PLXNB2: variants seen among roughly 807,000 people sequenced by gnomAD.
PLXNB2 encodes plexin-B2.
A neutral mutation model predicts 202.6 loss-of-function variants in PLXNB2; 85 were observed. That is an observed-to-expected ratio of 0.42 (90% CI 0.35 to 0.50). The LOEUF (loss-of-function observed/expected upper bound fraction) is 0.50, where lower values mean the gene tolerates loss of function less well. Ranked by LOEUF, PLXNB2 falls within the 20% of genes least tolerant of loss-of-function variation. PLXNB2 has a pLI of 0.02. For missense variants in PLXNB2, 2,063 were observed against 2,586.2 expected (o/e 0.80, Z 4.39); for synonymous variants, 1,239 against 1,137.6 (o/e 1.09, Z -1.79).
Position 50,281,980 on chromosome 22 carries a change from G to A in PLXNB2, c.3219C>T (p.Ile1073=), listed in dbSNP as rs371203017. Residue 1073 remains isoleucine (I), a synonymous_variant, in exon 20 of 37, where the codon ATC becomes ATT. Coordinates refer to ENST00000359337, the MANE Select transcript of PLXNB2 (RefSeq NM_012401.4). ...GCAGGGCACGGTGCCCGTCCATCTCGATCAGCACCGTGAGGTTGTAGGCCT... is the reference window on the plus strand; with the variant it reads ...GCAGGGCACGGTGCCCGTCCATCTCAATCAGCACCGTGAGGTTGTAGGCCT... ...EPEAYNLTVL[I]EMDGHRALLR... 19 of 1,612,928 alleles carry A rather than the reference G, an allele frequency of 1.2e-5. No individual in the cohort carries two copies. The highest frequency in any genetic ancestry group is 1.6e-4 in the Middle Eastern group (1 of 6,084).
Position 50,275,145 on chromosome 22 carries a change from C to T in PLXNB2, c.*559G>A, listed in dbSNP as rs956911853. 13 of 296,934 alleles carry T rather than the reference C, an allele frequency of 4.4e-5. No homozygotes were observed. Among genetic ancestry groups the T allele is most frequent in the Non-Finnish European group, 8.0e-5 (12 of 150,546 alleles). 18.4% of individuals were successfully genotyped at this position (296,934 alleles called of 1,614,324 possible). ...GTCTGGGCCCCGACGTAGGACTTGA[C>T]CTACGTCTCACTTGACCTTTGACGT... On this transcript the variant is annotated 3_prime_UTR_variant, in exon 37 of 37. Transcript: ENST00000359337.
rs755812987 is a variant in PLXNB2, at chr22:50,289,736, G to A, written c.849C>T (p.Ser283=). The A allele has an allele frequency of 1.7e-5, 28 of 1,612,230 alleles. No homozygotes were observed. The highest frequency in any genetic ancestry group is 3.3e-5 in the Admixed American group (2 of 59,994). Residue 283 remains serine (S), a synonymous_variant, in exon 3 of 37, where the codon TCC becomes TCT. Transcript: ENST00000359337. The surrounding 1 kb of genome is among the most constrained non-coding windows in gnomAD (Gnocchi z 8.0). The part of the protein sequence containing the change: ...AAAFGTCLAA[S]VAAPGSGRVL... The stretch of plus-strand genomic sequence containing the variant: ...CCCTGCCAGAGCCAGGCGCAGCCAC[G>A]GAGGCGGCCAGGCAGGTGCCAAAGG...
In PLXNB2 at chr22:50,284,680, G is replaced by T. The variant is rs757672636; in HGVS notation, c.2089-15C>A. On this transcript the variant is annotated splice_polypyrimidine_tract_variant and intron_variant, in intron 11 of 36. Transcript: ENST00000359337. This position sits in a 1 kb window ranked among gnomAD's most constrained non-coding sequence, Gnocchi z 8.0. ...AGGGAGGAACCCTGCAGACCATGCC[G>T]TCAGGACCCTGGACAGGCGGCTGTG... is the stretch of plus-strand genomic sequence containing the variant. The T allele has an allele frequency of 1.9e-6, 3 of 1,603,262 alleles. No homozygotes were observed.
chr22:50,292,337 CAAAAAAA>C (rs533891085), intron 2 of PLXNB2, among the ~76,000 whole-genome samples: 2 of 71,024 alleles, frequency 2.8e-5, no homozygotes, highest in African/African-American at 1.1e-4. Flanking sequence ...GACTCTGTCT[CAAAAAAA>C]AAAAAAAAAA....
chr22:50,287,994 C>A lies in PLXNB2; in HGVS notation c.1424G>T (p.Cys475Phe). The change falls in exon 6 of 37, where the codon TGC becomes TTC. Residue 475 changes from cysteine to phenylalanine, a missense_variant. Cys to Phe is a radical substitution (Grantham distance 205, BLOSUM62 -2). Coordinates refer to ENST00000359337, the MANE Select transcript of PLXNB2 (RefSeq NM_012401.4). ...GTCCTGGGAGTCGCGGCACTGGGTG[C>A]AGGTCGGGTAGCTCAGGCACTCCTG... ...PVQECLSYPTCTQCRDSQDPY... is the reference protein window; with the variant it reads ...PVQECLSYPTFTQCRDSQDPY... 1 of 1,575,560 alleles carries A rather than the reference C, an allele frequency of 6.3e-7. No homozygotes were observed. The highest frequency in any genetic ancestry group is 8.6e-7 in the Non-Finnish European group (1 of 1,161,220).
chr22:50,283,262 C>T lies in PLXNB2; in HGVS notation c.2679+75G>A, dbSNP rs374162230. On this transcript the variant is annotated intron_variant, in intron 16 of 36. Coordinates refer to ENST00000359337, the MANE Select transcript of PLXNB2 (RefSeq NM_012401.4). ...CGGTCCTGGGCTGGATGGTAACTGT[C>T]GTGGGGAGGCGGCGGGCAGAGCCCC... The T allele has an allele frequency of 6.4e-4, 1,034 of 1,606,438 alleles. 15 individuals carry two copies. The East Asian group carries it at 0.016, about 24-fold the overall frequency.
chr22:50,300,191 C>T, intron 1 of PLXNB2: 1 of 838,714 alleles, frequency 1.2e-6, no homozygotes, highest in Non-Finnish European at 1.4e-6. Flanking sequence ...GACGCGCGGG[C>T]GGGTGGGAGT....
chr22:50,293,660 C>T (rs1037381334), intron 2 of PLXNB2, among the ~76,000 whole-genome samples: 6 of 152,176 alleles, frequency 3.9e-5, no homozygotes, highest in Non-Finnish European at 7.4e-5. Context: ...ACGGTCCCCT[C>T]GGATCTGGCC....
intron 1 of PLXNB2, among the ~76,000 whole-genome samples, chr22:50,307,010 C>G (rs1268411807): frequency 6.6e-6 from 1 of 152,110 alleles, no homozygotes. Context: ...CTGAGACTTT[C>G]TGTGTCTCGG....
intron 1 of PLXNB2, among the ~76,000 whole-genome samples, chr22:50,306,156 T>C (rs2067875183): frequency 6.6e-6 from 1 of 152,118 alleles, no homozygotes; most frequent in South Asian, 2.1e-4. Flanking sequence ...GGACTCACAT[T>C]CCAAACCCTT....
Position 50,289,494 on chromosome 22 carries a change from C to T in PLXNB2, c.1068+23G>A, listed in dbSNP as rs756832452. ...ACGGACGCCTGCAGTCCGGGCCCTG[C>T]GAGAACACACTGAGGCCCATACCGG... On this transcript the variant is annotated intron_variant, in intron 3 of 36. Transcript: ENST00000359337. This position sits in a 1 kb window ranked among gnomAD's most constrained non-coding sequence, Gnocchi z 8.0. 8.8e-5 allele frequency: 140 copies of T among 1,582,128 alleles called. 1 individual carries two copies. Among genetic ancestry groups the T allele is most frequent in the Middle Eastern group, 3.4e-4 (2 of 5,834 alleles).
intron 1 of PLXNB2, among the ~76,000 whole-genome samples, chr22:50,302,340 A>G (rs998443681): frequency 3.9e-5 from 6 of 152,320 alleles, no homozygotes; most frequent in East Asian, 1.9e-4. Flanking sequence ...GAGTGGGGGC[A>G]GGACAGTGAG....
At chr22:50,292,412 T>A (rs2066940859) in intron 2 of PLXNB2, among the ~76,000 whole-genome samples, 1 of 151,080 alleles carries the variant, frequency 6.6e-6, no homozygotes, top group South Asian at 2.1e-4. Context: ...TCCACATCCC[T>A]GTGTCTCTGA....
rs2066273380 is a variant in PLXNB2, at chr22:50,284,496, C to T, written c.2181+77G>A. 10 of 1,112,776 alleles carry T rather than the reference C, an allele frequency of 9.0e-6. No individual in the cohort carries two copies. In the Admixed American group the frequency reaches 1.8e-4, roughly 20 times the overall value. 68.9% of individuals were successfully genotyped at this position (1,112,776 alleles called of 1,614,324 possible). A position where few individuals can be genotyped will look rare whatever the true frequency, so the allele number is the denominator to read the frequency against. ...GGTCTCCCTGCTGCCCCTCCCCTCACAGTCCTGAAGGTGACCCCCCACCCC... is the reference window on the plus strand; with the variant it reads ...GGTCTCCCTGCTGCCCCTCCCCTCATAGTCCTGAAGGTGACCCCCCACCCC... On this transcript the variant is annotated intron_variant, in intron 12 of 36. Transcript: ENST00000359337. The surrounding 1 kb of genome is among the most constrained non-coding windows in gnomAD (Gnocchi z 8.0).
chr22:50,289,643 G>A lies in PLXNB2; in HGVS notation c.942C>T (p.Phe314=), dbSNP rs1475309079. 3 of 1,609,590 alleles carry A rather than the reference G, an allele frequency of 1.9e-6. No homozygotes were observed. The highest frequency in any genetic ancestry group is 2.5e-6 in the Non-Finnish European group (3 of 1,179,804). ...SGGPGAGLCL[F]PLDKVHAKME... is the part of the protein sequence containing the mutation. ...TCTTGGCGTGCACCTTGTCCAGCGG[G>A]AACAGGCAGAGGCCCGCACCGGGCC... Residue 314 remains phenylalanine (F), a synonymous_variant, in exon 3 of 37, where the codon TTC becomes TTT. Coordinates refer to ENST00000359337, the MANE Select transcript of PLXNB2 (RefSeq NM_012401.4). This position sits in a 1 kb window ranked among gnomAD's most constrained non-coding sequence, Gnocchi z 8.0.
chr22:50,290,482 T>C lies in PLXNB2; in HGVS notation c.103A>G (p.Asn35Asp). 1 of 1,612,822 alleles carries C rather than the reference T, an allele frequency of 6.2e-7. No individual in the cohort carries two copies. The highest frequency in any genetic ancestry group is 8.5e-7 in the Non-Finnish European group (1 of 1,179,978). The change falls in exon 3 of 37, where the codon AAC becomes GAC. Residue 35 changes from asparagine to aspartate, a missense_variant. By Grantham distance (23) the Asn-to-Asp change is conservative. This residue lies in a region of PLXNB2 where 1,303 missense variants were observed against 1,476.8 expected (regional missense o/e 0.88). Transcript: ENST00000359337. Reference protein sequence around the residue: ...LDFFRSEKELNHLAVDEASGV... With the variant: ...LDFFRSEKELDHLAVDEASGV... The stretch of plus-strand genomic sequence containing the variant: ...GAGGCCTCATCCACAGCCAGGTGGT[T>C]CAGCTCTTTCTCGCTGCGGAAGAAG...
intron 33 of PLXNB2, 40 bp downstream of exon 33, chr22:50,277,551 C>A: frequency 6.5e-7 from 1 of 1,526,760 alleles, no homozygotes; most frequent in Non-Finnish European, 8.8e-7. Context: ...GGGGACAGAC[C>A]CAGGCCTCCC....
At chr22:50,302,443 G>A (rs1352145541) in intron 1 of PLXNB2, among the ~76,000 whole-genome samples, 3 of 152,190 alleles carry the variant, frequency 2.0e-5, no homozygotes, top group Non-Finnish European at 4.4e-5. Flanking sequence ...GGCTTGCTCT[G>A]CTCATGGTGG....
At chr22:50,286,959 C>A in intron 8 of PLXNB2, 152 bp downstream of exon 8, 2 of 761,550 alleles carry the variant, frequency 2.6e-6, no homozygotes, top group Non-Finnish European at 3.9e-6. Context: ...AGCAACCCCA[C>A]CACAGGCTTC....
Sources: gnomAD v4.1 joint callset for allele counts (sites outside exome capture counted in the v4.1 genomes callset) on GRCh38, gnomAD v4.1.1 for gene constraint, gnomAD v4.1.1 regional missense constraint, Gnocchi (gnomAD v3.1) non-coding constraint, MANE v1.5 for transcripts, NCBI Gene and HGNC (gene_info 2026-07-23, HGNC 2026-07-21) for gene names.